The following MINDY4B variants were observed in gnomAD, a reference collection of about 807,000 sequenced individuals.
MINDY4B encodes MINDY family member 4B.
In MINDY4B, 25 loss-of-function variants were observed where a neutral mutation model predicts 16.7. The ratio of observed to expected loss-of-function variants is 1.49; its 90% CI spans 1.09 to 2.09. The LOEUF (loss-of-function observed/expected upper bound fraction) is 2.09. MINDY4B is among the 30% of genes most tolerant of loss of function. The pLI, the probability that MINDY4B is intolerant of heterozygous loss-of-function variation, is 0.00. For synonymous variants in MINDY4B, 132 were observed against 61.9 expected, an observed-to-expected ratio of 2.13 and a Z score of -5.32; for missense variants, 327 against 168.4, an observed-to-expected ratio of 1.94 and a Z score of -5.21.
At chr3:150,878,585 G>GT (rs775177258) in intron 10 of MINDY4B, among the ~76,000 whole-genome samples, 2 of 152,158 alleles carry the variant, frequency 1.3e-5, no homozygotes, top group Admixed American at 6.5e-5. Context: ...AAAGAAGAAT[G>GT]AAAAGCCACA....
intron 5 of MINDY4B, among the ~76,000 whole-genome samples, chr3:150,892,845 C>G (rs529621276): frequency 6.7e-6 from 1 of 149,718 alleles, no homozygotes; most frequent in Non-Finnish European, 1.5e-5. Flanking sequence ...GAGGCCGAGG[C>G]AGGAGAATCA....
intron 11 of MINDY4B, among the ~76,000 whole-genome samples, chr3:150,871,398 T>C (rs1716964106): frequency 6.6e-6 from 1 of 151,458 alleles, no homozygotes; most frequent in Non-Finnish European, 1.5e-5. Context: ...GTTGTGCATA[T>C]TAGGACGTAG....
At chr3:150,885,248 C>A in intron 8 of MINDY4B, 120 bp downstream of exon 8, 1 of 621,984 alleles carries the variant, frequency 1.6e-6, no homozygotes. Context: ...AAAAGAGAAT[C>A]TACTAGAAAA....
intron 4 of MINDY4B, 80 bp from the exon 5 acceptor site, chr3:150,893,495 T>A: frequency 2.9e-6 from 2 of 699,268 alleles, no homozygotes; most frequent in Non-Finnish European, 5.2e-6. Flanking sequence ...GGCTTTTCCC[T>A]CCTGGTATCC....
At chr3:150,892,425 C>G (rs78841045) in intron 5 of MINDY4B, among the ~76,000 whole-genome samples, 394 of 152,340 alleles carry the variant, frequency 2.6e-3, no homozygotes, top group African/African-American at 8.9e-3. Flanking sequence ...TCTAGGGAAA[C>G]TGGCAGTTCA....
intron 10 of MINDY4B, among the ~76,000 whole-genome samples, chr3:150,882,115 G>A (rs1383508012): frequency 6.6e-6 from 1 of 152,188 alleles, no homozygotes; most frequent in East Asian, 1.9e-4. Context: ...TGGTTTCAAG[G>A]CCATTCCAGA....
intron 2 of MINDY4B, among the ~76,000 whole-genome samples, chr3:150,904,693 C>T (rs1712198864): frequency 2.6e-5 from 4 of 152,170 alleles, no homozygotes; most frequent in South Asian, 4.1e-4. Context: ...TTTTCACAAG[C>T]TGAATAAAGA....
intron 6 of MINDY4B, 115 bp downstream of exon 6, chr3:150,890,823 C>G (rs1255189039): frequency 4.8e-6 from 3 of 620,276 alleles, no homozygotes; most frequent in Non-Finnish European, 8.9e-6. Context: ...TGGAAGGCAC[C>G]TCCGGTCACA....
At chr3:150,898,390 C>T (rs1346394370) in intron 3 of MINDY4B, among the ~76,000 whole-genome samples, 1 of 152,138 alleles carries the variant, frequency 6.6e-6, no homozygotes, top group Non-Finnish European at 1.5e-5. Flanking sequence ...TGCCAGTTCC[C>T]ACCTCCAACT....
intron 7 of MINDY4B, among the ~76,000 whole-genome samples, chr3:150,886,659 T>C (rs977242426): frequency 2.0e-5 from 3 of 152,102 alleles, no homozygotes; most frequent in African/African-American, 7.2e-5. Flanking sequence ...GGTAATTCTG[T>C]TTCCTTTCCT....
chr3:150,872,723 C>T (rs114222353), intron 11 of MINDY4B, among the ~76,000 whole-genome samples: 6 of 152,148 alleles, frequency 3.9e-5, no homozygotes, highest in Non-Finnish European at 7.4e-5. Context: ...CTCAAAAATG[C>T]GTTTTGTGCT....
intron 5 of MINDY4B, among the ~76,000 whole-genome samples, chr3:150,891,892 G>A (rs917751928): frequency 2.0e-5 from 3 of 152,122 alleles, no homozygotes; most frequent in Admixed American, 6.5e-5. Context: ...GGGGGCTCAG[G>A]AAGGCTTCGT....
Position 150,905,420 on chromosome 3 carries a change from C to A in MINDY4B, c.20G>T (p.Gly7Val), listed in dbSNP as rs996174738. Reference protein sequence around the residue: MDMEVLGQEQSSEQLDL... With the variant: MDMEVLVQEQSSEQLDL... ...CAGCTGTTCGGAGCTTTGTTCCTGG[C>A]CCAAGACCTCCATATCCATTTGGAT... The change falls in exon 1 of 12, where the codon GGC becomes GTC. Residue 7 changes from glycine (G) to valine (V), a missense_variant. Physicochemically the swap from Gly to Val is moderately radical, Grantham distance 109. Transcript: ENST00000465419. The A allele has an allele frequency of 5.0e-6, 2 of 398,342 alleles. No homozygotes were observed. Among genetic ancestry groups the A allele is most frequent in the African/African-American group, 4.1e-5 (2 of 48,600 alleles). The allele number at this position is 398,342 out of a possible 1,614,324, so 24.7% of individuals were successfully genotyped here.
Position 150,891,044 on chromosome 3 carries a change from A to T in MINDY4B, c.581T>A (p.Ile194Asn). 1.4e-6 allele frequency: 1 copy of T among 702,852 alleles called. No individual in the cohort carries two copies. The highest frequency in any genetic ancestry group is 2.6e-6 in the Non-Finnish European group (1 of 384,842). The allele number at this position is 702,852 out of a possible 1,614,324, so 43.5% of individuals were successfully genotyped here. Residue 194 changes from isoleucine to asparagine, a missense_variant, in exon 6 of 12, where the codon ATC becomes AAC. By Grantham distance (149) the Ile-to-Asn change is moderately radical (BLOSUM62 -3). Coordinates refer to ENST00000465419, the MANE Select transcript of MINDY4B (RefSeq NM_001351281.2). The stretch of plus-strand genomic sequence containing the variant: ...CTGAGCTGCTCCTGCAGCCCACAGG[A>T]TGCCAGCAAGCGCCGCGGCCAAGGC... The part of the protein sequence containing the change: ...EQALAAALAG[I>N]LWAAGAAQKA...
rs140822888 is a variant in MINDY4B, at chr3:150,879,887, C to G, written c.1059+3010G>C. On this transcript the variant is annotated intron_variant, in intron 10 of 11. Coordinates refer to ENST00000465419, the MANE Select transcript of MINDY4B (RefSeq NM_001351281.2). Reference sequence around the variant, plus strand: ...CTGTAGAAATCAGTGTATGTATGGTCAAGTATGGCCCATCTTTGGATCTGG... The same window carrying G: ...CTGTAGAAATCAGTGTATGTATGGTGAAGTATGGCCCATCTTTGGATCTGG... Among the ~76,000 whole-genome samples, 367 of 152,316 alleles carry G rather than the reference C, an allele frequency of 2.4e-3. 1 individual carries two copies. The highest frequency in any genetic ancestry group is 8.5e-3 in the African/African-American group (355 of 41,566).
chr3:150,893,818 G>A (rs1310952879), intron 4 of MINDY4B, among the ~76,000 whole-genome samples: 2 of 151,950 alleles, frequency 1.3e-5, no homozygotes, highest in Admixed American at 6.6e-5. Flanking sequence ...AGCCTCCCGA[G>A]TAGCTAGGAT....
intron 6 of MINDY4B, 53 bp from the exon 7 acceptor site, chr3:150,890,438 T>C: frequency 1.7e-6 from 1 of 571,796 alleles, no homozygotes; most frequent in Non-Finnish European, 3.1e-6. Flanking sequence ...AAGTTACATC[T>C]AAGAGATGTC....
chr3:150,904,411 G>A (rs890832892), intron 2 of MINDY4B, among the ~76,000 whole-genome samples: 12 of 152,130 alleles, frequency 7.9e-5, no homozygotes, highest in Admixed American at 5.9e-4. Flanking sequence ...TACTTGGGGC[G>A]AGAAGCTTTA....
chr3:150,883,154 G>A, intron 9 of MINDY4B, 96 bp from the exon 10 acceptor site: 4 of 568,848 alleles, frequency 7.0e-6, no homozygotes, highest in South Asian at 2.3e-5. Context: ...TATTTTTAGT[G>A]AAAAGAATGA....
Sources: gnomAD v4.1 joint callset for allele counts (sites outside exome capture counted in the v4.1 genomes callset) on GRCh38, gnomAD v4.1.1 for gene constraint, MANE v1.5 for transcripts, NCBI Gene and HGNC (gene_info 2026-07-23, HGNC 2026-07-21) for gene names.